Variants in PCDH9 observed in about 807,000 individuals in gnomAD.
The protein encoded by PCDH9 is protocadherin-9.
A neutral mutation model predicts 70.6 loss-of-function variants in PCDH9; 24 were observed. The ratio of observed to expected loss-of-function variants is 0.34; its 90% confidence interval spans 0.25 to 0.48. The LOEUF is 0.48. PCDH9 is among the 20% of genes least tolerant of loss of function. The pLI is 0.99. For synonymous variants in PCDH9, 562 were observed against 558.5 expected, an observed-to-expected ratio of 1.01 and a Z score of -0.09; for missense variants, 1,281 against 1,503.6, an observed-to-expected ratio of 0.85 and a Z score of 2.45.
At chr13:67,152,325 T>C (rs2087683642) in intron 2 of PCDH9, among the ~76,000 whole-genome samples, 1 of 152,228 alleles carries the variant, frequency 6.6e-6, no homozygotes, top group African/African-American at 2.4e-5. Flanking sequence ...GAAATCCACT[T>C]GTGCCTAAGG....
chr13:67,187,407 C>T (rs950235247), intron 2 of PCDH9, among the ~76,000 whole-genome samples: 9 of 152,100 alleles, frequency 5.9e-5, no homozygotes, highest in South Asian at 4.1e-4. Flanking sequence ...GTATGGCTTG[C>T]TATAACCTGA....
chr13:66,736,752 T>A lies in PCDH9; in HGVS notation c.3139-105341A>T, dbSNP rs2079155295. Among the ~76,000 whole-genome samples, 8 of 152,218 alleles carry A rather than the reference T, an allele frequency of 5.3e-5. No homozygotes were observed. The South Asian group carries it at 1.7e-3, about 31-fold the overall frequency. ...AGTCTGTTTTTATCTTGAAGATGCT[T>A]ACAAGAGTCTCATTTCTATGTGTAT... On this transcript the variant is annotated intron_variant, in intron 3 of 4. Transcript: ENST00000377865.
chr13:66,373,798 G>A (rs1033830180), intron 4 of PCDH9, among the ~76,000 whole-genome samples: 4 of 152,090 alleles, frequency 2.6e-5, no homozygotes, highest in South Asian at 2.1e-4. Flanking sequence ...TTCCCACTCC[G>A]TGGGTATGAG....
At chr13:67,073,647 C>A (rs996719806) in intron 2 of PCDH9, among the ~76,000 whole-genome samples, 1 of 151,978 alleles carries the variant, frequency 6.6e-6, no homozygotes, top group African/African-American at 2.4e-5. Context: ...TTTTGAAGAT[C>A]TAAAACTTTT....
At chr13:66,713,621 G>GTA (rs1415001060) in intron 3 of PCDH9, among the ~76,000 whole-genome samples, 323 of 16,892 alleles carry the variant, frequency 0.019, 5 homozygotes, top group African/African-American at 0.037. Context: ...AAGTGTGTGT[G>GTA]TGTGTATATA....
chr13:66,399,650 A>T (rs1957155590), intron 4 of PCDH9, among the ~76,000 whole-genome samples: 1 of 152,072 alleles, frequency 6.6e-6, no homozygotes, highest in Non-Finnish European at 1.5e-5. Context: ...AACAGTCAAA[A>T]CAGAATTACA....
At chr13:66,620,945 A>G (rs2077414347) in intron 4 of PCDH9, among the ~76,000 whole-genome samples, 1 of 152,242 alleles carries the variant, frequency 6.6e-6, no homozygotes, top group Admixed American at 6.5e-5. Context: ...TAATTGACTT[A>G]ACATGAATGT....
chr13:66,358,528 T>C (rs995386359), intron 4 of PCDH9, among the ~76,000 whole-genome samples: 1 of 152,018 alleles, frequency 6.6e-6, no homozygotes, highest in African/African-American at 2.4e-5. Flanking sequence ...ACTGGATAAT[T>C]ACAAATTTTC....
intron 4 of PCDH9, among the ~76,000 whole-genome samples, chr13:66,458,351 T>C (rs1268576534): frequency 6.6e-6 from 1 of 152,058 alleles, no homozygotes; most frequent in Admixed American, 6.6e-5. Context: ...ACAATCTATT[T>C]TCAAAAGAAT....
At chr13:66,976,382 G>A (rs1422557826) in intron 2 of PCDH9, among the ~76,000 whole-genome samples, 3 of 151,948 alleles carry the variant, frequency 2.0e-5, no homozygotes, top group African/African-American at 7.2e-5. Flanking sequence ...AGTTATACTG[G>A]GCAACTTTCA....
chr13:66,531,967 C>T (rs1343704056), intron 4 of PCDH9, among the ~76,000 whole-genome samples: 1 of 151,952 alleles, frequency 6.6e-6, no homozygotes, highest in African/African-American at 2.4e-5. Flanking sequence ...CATTCTAAGA[C>T]ATTATTTGTG....
At chr13:67,022,412 C>T (rs575284689) in intron 2 of PCDH9, among the ~76,000 whole-genome samples, 7 of 152,120 alleles carry the variant, frequency 4.6e-5, no homozygotes, top group Non-Finnish European at 1.0e-4. Context: ...TGAGCCACTG[C>T]ACCCAGCCAG....
intron 3 of PCDH9, among the ~76,000 whole-genome samples, chr13:66,677,985 T>C (rs1295375730): frequency 6.6e-6 from 1 of 152,192 alleles, no homozygotes; most frequent in Non-Finnish European, 1.5e-5. Flanking sequence ...TAAAAAACAA[T>C]TTCAGCTTTA....
At chr13:66,893,337 G>C (rs900478158) in intron 3 of PCDH9, among the ~76,000 whole-genome samples, 1 of 152,118 alleles carries the variant, frequency 6.6e-6, no homozygotes. Flanking sequence ...GTGAATCAGA[G>C]GGCTAGTCTC....
chr13:67,084,369 C>A (rs1013430201), intron 2 of PCDH9, among the ~76,000 whole-genome samples: 5 of 152,244 alleles, frequency 3.3e-5, no homozygotes, highest in Admixed American at 3.3e-4. Flanking sequence ...TTCTCTTCTG[C>A]TGATCCCAAA....
At chr13:66,565,644 T>G (rs752570363) in intron 4 of PCDH9, among the ~76,000 whole-genome samples, 10 of 152,216 alleles carry the variant, frequency 6.6e-5, no homozygotes, top group Non-Finnish European at 1.0e-4. Context: ...TACTCAATCA[T>G]AAGATTTTGT....
In PCDH9 at chr13:67,226,630, T is replaced by C; in HGVS notation, c.1811A>G (p.Asn604Ser). ...ITVTDADAGE[N>S]KAVTLSILND... ...TAGAATGGAAAGAGTCACAGCTTTA[T>C]TCTCTCCAGCATCTGCATCTGTCAC... is the stretch of plus-strand genomic sequence containing the variant. Residue 604 changes from asparagine to serine, a missense_variant, in exon 2 of 5, where the codon AAT (asparagine) becomes AGT (serine). Transcript: ENST00000377865. This position sits in a 1 kb window ranked among gnomAD's most constrained non-coding sequence, Gnocchi z 5.0. 6.2e-7 allele frequency: 1 copy of C among 1,614,094 alleles called. No homozygotes were observed. Among genetic ancestry groups the C allele is most frequent in the Non-Finnish European group, 8.5e-7 (1 of 1,179,946 alleles).
intron 3 of PCDH9, among the ~76,000 whole-genome samples, chr13:66,717,451 CAAAAAAAAAA>C (rs1246391058): frequency 2.0e-5 from 1 of 50,452 alleles, no homozygotes; most frequent in African/African-American, 1.1e-4. Flanking sequence ...GACTCTGTCT[CAAAAAAAAAA>C]AAAAAAAAAA....
chr13:66,822,554 T>C (rs1188762189), intron 3 of PCDH9, among the ~76,000 whole-genome samples: 1 of 142,796 alleles, frequency 7.0e-6, no homozygotes, highest in African/African-American at 2.6e-5. Flanking sequence ...CTGGAGGGAG[T>C]CTTGCTCTGT....
Sources: gnomAD v4.1 joint callset for allele counts (sites outside exome capture counted in the v4.1 genomes callset) on GRCh38, gnomAD v4.1.1 for gene constraint, Gnocchi (gnomAD v3.1) non-coding constraint, MANE v1.5 for transcripts, NCBI Gene and HGNC (gene_info 2026-07-23, HGNC 2026-07-21) for gene names.